Variants in TAFA2 observed in about 807,000 individuals in gnomAD.
TAFA2 encodes TAFA chemokine like family member 2.
Under a neutral mutation model 18.8 loss-of-function variants are expected in TAFA2, and 7 were observed. The ratio of observed to expected loss-of-function variants is 0.37; its 90% confidence interval spans 0.21 to 0.70. The LOEUF is 0.70. TAFA2 is among the 30% of genes least tolerant of loss of function. The pLI, the probability that TAFA2 is intolerant of heterozygous loss-of-function variation, is 0.53. For missense variants in TAFA2, 122 were observed against 158.1 expected (o/e 0.77, Z 1.23); for synonymous variants, 60 against 54.2 (o/e 1.11, Z -0.47).
intron 1 of TAFA2, among the ~76,000 whole-genome samples, chr12:62,183,222 C>T (rs1216750557): frequency 6.6e-6 from 1 of 152,166 alleles, no homozygotes; most frequent in Non-Finnish European, 1.5e-5. Context: ...ACCCCACAAC[C>T]ACCACATGAG....
intron 1 of TAFA2, among the ~76,000 whole-genome samples, chr12:61,939,088 C>A (rs943645006): frequency 6.6e-6 from 1 of 152,096 alleles, no homozygotes; most frequent in Non-Finnish European, 1.5e-5. Flanking sequence ...GTATACCTAT[C>A]GTTACTGAGC....
intron 1 of TAFA2, among the ~76,000 whole-genome samples, chr12:61,939,187 T>C (rs964742370): frequency 6.6e-6 from 1 of 152,216 alleles, no homozygotes; most frequent in African/African-American, 2.4e-5. Context: ...TGGAAAGTAA[T>C]TTGAATTTAC....
At chr12:62,220,828 C>T (rs1036040178) in intron 1 of TAFA2, among the ~76,000 whole-genome samples, 3 of 151,244 alleles carry the variant, frequency 2.0e-5, no homozygotes, top group African/African-American at 7.3e-5. Context: ...GGGAAGGGGG[C>T]CGGGCGCGGT....
At chr12:61,893,081 A>G (rs1403572833) in intron 1 of TAFA2, among the ~76,000 whole-genome samples, 2 of 152,230 alleles carry the variant, frequency 1.3e-5, no homozygotes, top group Non-Finnish European at 2.9e-5. Flanking sequence ...AAAAAGAGGT[A>G]GCAGAGAAGA....
At chr12:62,054,087 T>C (rs1210232987) in intron 1 of TAFA2, among the ~76,000 whole-genome samples, 2 of 152,172 alleles carry the variant, frequency 1.3e-5, no homozygotes, top group African/African-American at 2.4e-5. Context: ...TCAGCATACA[T>C]GATACAGCTG....
At chr12:61,742,207 T>C (rs1868488293) in intron 4 of TAFA2, among the ~76,000 whole-genome samples, 1 of 152,158 alleles carries the variant, frequency 6.6e-6, no homozygotes, top group South Asian at 2.1e-4. Context: ...TATTTATTCT[T>C]ATTTTTAAAG....
At chr12:62,164,287 G>C (rs1592376193) in intron 1 of TAFA2, among the ~76,000 whole-genome samples, 1 of 152,222 alleles carries the variant, frequency 6.6e-6, no homozygotes, top group East Asian at 1.9e-4. Flanking sequence ...TTGAACATGA[G>C]AACATCTATC....
rs111863101 is a variant in TAFA2, at chr12:62,124,159, G to A, written c.-2+67100C>T. Among the ~76,000 whole-genome samples the A allele has an allele frequency of 7.9e-3, 1,207 of 152,140 alleles. 17 individuals are homozygous for A. Among genetic ancestry groups the A allele is most frequent in the African/African-American group, 0.028 (1,145 of 41,508 alleles). The stretch of plus-strand genomic sequence containing the variant: ...AATTCATCAGAGAATCGCAAAGATT[G>A]CAAAGATAATGATATAAAACTGTAC... On this transcript the variant is annotated intron_variant, in intron 1 of 4. Coordinates refer to ENST00000416284, the MANE Select transcript of TAFA2 (RefSeq NM_178539.5).
At chr12:62,111,734 A>C (rs1490730561) in intron 1 of TAFA2, among the ~76,000 whole-genome samples, 2 of 151,890 alleles carry the variant, frequency 1.3e-5, no homozygotes, top group African/African-American at 4.8e-5. Context: ...CCCTTTACCA[A>C]TGTAATTCCC....
chr12:62,099,105 G>A (rs567748510), intron 1 of TAFA2, among the ~76,000 whole-genome samples: 1 of 152,208 alleles, frequency 6.6e-6, no homozygotes, highest in South Asian at 2.1e-4. Context: ...ATGACAGAAA[G>A]AGACTTGTAA....
intron 1 of TAFA2, among the ~76,000 whole-genome samples, chr12:61,871,111 C>CG (rs1030874766): frequency 4.6e-5 from 7 of 151,762 alleles, no homozygotes; most frequent in East Asian, 1.9e-4. Flanking sequence ...GAAAAAGAGT[C>CG]GGGGGGGCAT....
intron 2 of TAFA2, among the ~76,000 whole-genome samples, chr12:61,861,841 T>C (rs1174585423): frequency 6.6e-6 from 1 of 152,196 alleles, no homozygotes; most frequent in East Asian, 1.9e-4. Flanking sequence ...AAATAAAATT[T>C]AAAAAATTTT....
chr12:61,818,073 C>T (rs746747465), intron 2 of TAFA2, among the ~76,000 whole-genome samples: 14 of 152,194 alleles, frequency 9.2e-5, no homozygotes, highest in Non-Finnish European at 1.6e-4. Context: ...CTGCCATCCT[C>T]ACCGGGAGAA....
intron 4 of TAFA2, among the ~76,000 whole-genome samples, chr12:61,739,457 G>C (rs1868363596): frequency 6.6e-6 from 1 of 152,002 alleles, no homozygotes; most frequent in Non-Finnish European, 1.5e-5. Flanking sequence ...ATGATCTGTA[G>C]ACATTTTTAA....
At position 62,021,735 on chromosome 12, in the gene TAFA2, A is replaced by G. The variant is rs1015542192; in HGVS notation, c.-1-154309T>C. 3.4e-6 allele frequency: 5 copies of G among 1,487,934 alleles called. No individual in the cohort carries two copies. The African/African-American group carries it at 6.9e-5, about 21-fold the overall frequency. 92.2% of individuals were successfully genotyped at this position (1,487,934 alleles called of 1,614,324 possible). A position where few individuals can be genotyped will look rare whatever the true frequency, so the allele number is the denominator to read the frequency against. On this transcript the variant is annotated intron_variant, in intron 1 of 4. Coordinates refer to ENST00000416284, the MANE Select transcript of TAFA2 (RefSeq NM_178539.5). ...ACCAGTTGGGTCCCAAGGCAGCATG[A>G]TCTTCACCTTGATGCCCAGCACACC...
chr12:62,142,171 T>C (rs2062245108), intron 1 of TAFA2, among the ~76,000 whole-genome samples: 1 of 152,184 alleles, frequency 6.6e-6, no homozygotes, highest in African/African-American at 2.4e-5. Context: ...AAGGAAGCTA[T>C]TTAACCTATC....
intron 4 of TAFA2, among the ~76,000 whole-genome samples, chr12:61,751,062 T>G (rs999073493): frequency 2.6e-5 from 4 of 152,066 alleles, no homozygotes; most frequent in Admixed American, 6.6e-5. Flanking sequence ...GTAGTGCTAT[T>G]TATGCATGAT....
rs1274464304 is a variant in TAFA2, at chr12:62,030,110, G to GCCA, written c.-2+161146_-2+161148dup. On this transcript the variant is annotated intron_variant, in intron 1 of 4. Coordinates refer to ENST00000416284, the MANE Select transcript of TAFA2 (RefSeq NM_178539.5). The stretch of plus-strand genomic sequence containing the variant: ...AGGCACAAAATCTAACTTATTATCA[G>GCCA]CCACTGCTGAGGAGGAAAAGCTCAG... 2.0e-5 allele frequency among the ~76,000 whole-genome samples: 3 copies of GCCA among 152,186 alleles called. No homozygotes were observed. The East Asian group carries it at 5.8e-4, about 29-fold the overall frequency.
At chr12:61,870,833 C>T (rs1874569037) in intron 1 of TAFA2, among the ~76,000 whole-genome samples, 1 of 152,244 alleles carries the variant, frequency 6.6e-6, no homozygotes, top group South Asian at 2.1e-4. Flanking sequence ...GTGTTGAGTG[C>T]CCTTCATTCT....
Sources: gnomAD v4.1 joint callset for allele counts (sites outside exome capture counted in the v4.1 genomes callset) on GRCh38, gnomAD v4.1.1 for gene constraint, MANE v1.5 for transcripts, NCBI Gene and HGNC (gene_info 2026-07-23, HGNC 2026-07-21) for gene names.